Variants in ARHGAP27 observed in about 807,000 individuals in gnomAD.
ARHGAP27 encodes the protein rho GTPase-activating protein 27.
A neutral mutation model predicts 102.0 loss-of-function variants in ARHGAP27; 53 were observed. The observed-to-expected ratio is 0.52, with a 90% CI of 0.42 to 0.65. The LOEUF (loss-of-function observed/expected upper bound fraction) is 0.65. Ranked by LOEUF, ARHGAP27 falls within the 30% of genes least tolerant of loss-of-function variation. The pLI is 0.00. For synonymous variants in ARHGAP27, 525 were observed against 542.8 expected (o/e 0.97, Z 0.46); for missense variants, 1,117 against 1,256.2 (o/e 0.89, Z 1.68).
chr17:45,420,780 C>T (rs2048950983), intron 4 of ARHGAP27, among the ~76,000 whole-genome samples: 1 of 151,638 alleles, frequency 6.6e-6, no homozygotes, highest in Non-Finnish European at 1.5e-5. Flanking sequence ...CGGTGAAACC[C>T]CGTCTCTACT....
intron 4 of ARHGAP27, among the ~76,000 whole-genome samples, chr17:45,418,049 A>AG (rs1872917864): frequency 6.6e-6 from 1 of 150,932 alleles, no homozygotes; most frequent in Non-Finnish European, 1.5e-5. Flanking sequence ...AAAAAAAAAA[A>AG]AAAAATTTTT....
intron 4 of ARHGAP27, among the ~76,000 whole-genome samples, chr17:45,426,237 C>A (rs1320149460): frequency 2.6e-5 from 4 of 152,100 alleles, no homozygotes; most frequent in Non-Finnish European, 5.9e-5. Context: ...CCTCTCTGAA[C>A]CTCTGTTTGT....
intron 4 of ARHGAP27, among the ~76,000 whole-genome samples, chr17:45,413,495 C>A (rs1231824728): frequency 1.3e-5 from 2 of 152,170 alleles, no homozygotes; most frequent in Non-Finnish European, 1.5e-5. Context: ...ATGTGTAGAA[C>A]AGAGCTGTCA....
chr17:45,423,502 A>T (rs2144975486), intron 4 of ARHGAP27, among the ~76,000 whole-genome samples: 1 of 152,308 alleles, frequency 6.6e-6, no homozygotes, highest in Non-Finnish European at 1.5e-5. Flanking sequence ...TTCCTCCTCC[A>T]GGAAGCACTC....
intron 16 of ARHGAP27, 35 bp from the exon 17 acceptor site, chr17:45,396,319 G>A: frequency 6.3e-7 from 1 of 1,583,718 alleles, no homozygotes; most frequent in Non-Finnish European, 8.6e-7. Flanking sequence ...CCGGGTTCAG[G>A]GATGGGGATA....
At chr17:45,416,944 C>T (rs1398756450) in intron 4 of ARHGAP27, among the ~76,000 whole-genome samples, 2 of 148,714 alleles carry the variant, frequency 1.3e-5, no homozygotes, top group African/African-American at 2.5e-5. Context: ...CACCTGAGGT[C>T]GAGAGTTTGA....
At chr17:45,411,019 C>T (rs2047851563) in intron 4 of ARHGAP27, among the ~76,000 whole-genome samples, 1 of 152,114 alleles carries the variant, frequency 6.6e-6, no homozygotes, top group Non-Finnish European at 1.5e-5. Context: ...CCTCCCACGC[C>T]TGCATGCCCA....
chr17:45,395,390 G>A lies in ARHGAP27; in HGVS notation c.*66C>T. The A allele has an allele frequency of 6.7e-7, 1 of 1,495,424 alleles. No individual in the cohort carries two copies. The highest frequency in any genetic ancestry group is 9.0e-7 in the Non-Finnish European group (1 of 1,115,396). The allele number at this position is 1,495,424 out of a possible 1,614,324, so 92.6% of individuals were successfully genotyped here. A position where few individuals can be genotyped will look rare whatever the true frequency, so the allele number is the denominator to read the frequency against. ...GTCCCAGAGAGAAGAAGGCCCGGCT[G>A]CGTGGCCTCCGCCGCCCAGCTTGTG... is the stretch of plus-strand genomic sequence containing the variant. On this transcript the variant is annotated 3_prime_UTR_variant, in exon 20 of 20. Coordinates refer to ENST00000685559, the MANE Select transcript of ARHGAP27 (RefSeq NM_001282290.2).
rs535740628 is a variant in ARHGAP27, at chr17:45,395,128, A to G, written c.*328T>C. ...CATCAAACTCCTCCTCCCAGCACCT[A>G]CCATTCCAGAAAACAAACTCTCACC... On this transcript the variant is annotated 3_prime_UTR_variant, in exon 20 of 20. Coordinates refer to ENST00000685559, the MANE Select transcript of ARHGAP27 (RefSeq NM_001282290.2). 2.3e-5 allele frequency: 9 copies of G among 390,690 alleles called. No individual in the cohort carries two copies. In the South Asian group the frequency reaches 2.8e-4, roughly 12 times the overall value. The allele number at this position is 390,690 out of a possible 1,614,324, so 24.2% of individuals were successfully genotyped here.
rs112274196 is a variant in ARHGAP27 at position 45,431,153 on chromosome 17, A to C, written c.-19+468T>G. Among the ~76,000 whole-genome samples the C allele has an allele frequency of 1.2e-3, 178 of 152,040 alleles. 2 individuals carry two copies. The highest frequency in any genetic ancestry group is 4.1e-3 in the African/African-American group (172 of 41,452). ...GCTCCTGGAGAATGCACTCTGAGACAGTGACTATAAGTGCGGAGTCCCAGA... is the reference window on the plus strand; with the variant it reads ...GCTCCTGGAGAATGCACTCTGAGACCGTGACTATAAGTGCGGAGTCCCAGA... On this transcript the variant is annotated intron_variant, in intron 3 of 19. Transcript: ENST00000685559.
In ARHGAP27 at chr17:45,429,887, C is replaced by G. The variant is rs1291618274; in HGVS notation, c.393G>C (p.Gln131His). 9.9e-6 allele frequency: 12 copies of G among 1,210,832 alleles called. No individual in the cohort carries two copies. Among genetic ancestry groups the G allele is most frequent in the Non-Finnish European group, 1.0e-5 (10 of 975,034 alleles). The allele number at this position is 1,210,832 out of a possible 1,614,324, so 75.0% of individuals were successfully genotyped here. ...GCAGGCCGGGCGCCAGGCTGCTGCG[C>G]TGGGTCGCGGCGCCGCGTTGCGCAG... Reference protein sequence around the residue: ...CGPAQRGAATQRSSLAPGLPA... With the variant: ...CGPAQRGAATHRSSLAPGLPA... Residue 131 changes from glutamine to histidine, a missense_variant, in exon 4 of 20, where the codon CAG (glutamine) becomes CAC (histidine). By Grantham distance (24) the Gln-to-His change is conservative. Around this residue, in one of 3 missense-constraint regions of ARHGAP27, gnomAD observed 610 missense variants for 716.4 expected, o/e 0.85. Transcript: ENST00000685559.
At position 45,430,519 on chromosome 17, in the gene ARHGAP27, G is replaced by A. The variant is rs2049977514; in HGVS notation, c.-18-222C>T. ...ATTAGGACAGCCCTTCGTTCTGTGG[G>A]GTTGATTCTAAGATTTGACCCTTGC... On this transcript the variant is annotated intron_variant, in intron 3 of 19. Transcript: ENST00000685559. The surrounding 1 kb of genome is among the most constrained non-coding windows in gnomAD (Gnocchi z 4.4). 6.6e-6 allele frequency among the ~76,000 whole-genome samples: 1 copy of A among 152,178 alleles called. No homozygotes were observed. Among genetic ancestry groups the A allele is most frequent in the Non-Finnish European group, 1.5e-5 (1 of 68,030 alleles).
At chr17:45,424,243 C>T (rs1488509332) in intron 4 of ARHGAP27, among the ~76,000 whole-genome samples, 1 of 152,254 alleles carries the variant, frequency 6.6e-6, no homozygotes, top group Non-Finnish European at 1.5e-5. Flanking sequence ...GTTCCCTCAA[C>T]ACCAGAATCC....
At chr17:45,429,440 G>C (rs2049881078) in intron 4 of ARHGAP27, 183 bp downstream of exon 4, 2 of 1,426,858 alleles carry the variant, frequency 1.4e-6, no homozygotes, top group East Asian at 5.4e-5. Context: ...TGCTGATGAG[G>C]GACTGCGGGC....
chr17:45,395,247 G>A lies in ARHGAP27; in HGVS notation c.*209C>T. On this transcript the variant is annotated 3_prime_UTR_variant, in exon 20 of 20. Transcript: ENST00000685559. ...ACAGGACGTGACGGGAAGGGAAGGG[G>A]GGATGGGGAGTTGGGAAGAAGGAAT... 3.2e-6 allele frequency: 2 copies of A among 621,066 alleles called. No individual in the cohort carries two copies. The highest frequency in any genetic ancestry group is 2.1e-5 in the South Asian group (1 of 48,346). The allele number at this position is 621,066 out of a possible 1,614,324, so 38.5% of individuals were successfully genotyped here.
At position 45,404,250 on chromosome 17, in the gene ARHGAP27, G is replaced by T; in HGVS notation, c.1479+19C>A. 1 of 1,613,638 alleles carries T rather than the reference G, an allele frequency of 6.2e-7. No homozygotes were observed. Among genetic ancestry groups the T allele is most frequent in the Non-Finnish European group, 8.5e-7 (1 of 1,179,880 alleles). On this transcript the variant is annotated intron_variant, in intron 9 of 19. Coordinates refer to ENST00000685559, the MANE Select transcript of ARHGAP27 (RefSeq NM_001282290.2). ...TCGCCAGCACCACCACCTGGCTGGG[G>T]GTAGGGGGTGATGCCTACCCTCACA...
Position 45,432,272 on chromosome 17 carries a change from C to G in ARHGAP27, c.-207G>C, listed in dbSNP as rs1437108743. The G allele has an allele frequency of 6.4e-6, 1 of 156,106 alleles. No homozygotes were observed. The highest frequency in any genetic ancestry group is 6.5e-5 in the Admixed American group (1 of 15,310). The allele number at this position is 156,106 out of a possible 1,614,324, so 9.7% of individuals were successfully genotyped here. Reference sequence around the variant, plus strand: ...CTGGAAAAACTCCGAGCGGGATTCCCAGCGCAGGGACGCCCACCGGAGCTC... The same window carrying G: ...CTGGAAAAACTCCGAGCGGGATTCCGAGCGCAGGGACGCCCACCGGAGCTC... On this transcript the variant is annotated 5_prime_UTR_variant, in exon 2 of 20. Coordinates refer to ENST00000685559, the MANE Select transcript of ARHGAP27 (RefSeq NM_001282290.2).
Position 45,405,978 on chromosome 17 carries a change from G to A in ARHGAP27, c.763C>T (p.His255Tyr). ...APLPSPVWETHTDAGTGRPYY... is the reference protein window; with the variant it reads ...APLPSPVWETYTDAGTGRPYY... ...GGGCGCCCGGTGCCCGCGTCCGTGT[G>A]CGTCTCCCACACCGGGCTGGGAAGG... Residue 255 changes from histidine to tyrosine, a missense_variant, in exon 5 of 20, where the codon CAC becomes TAC. By Grantham distance (83) the His-to-Tyr change is moderately conservative. Around this residue, in one of 3 missense-constraint regions of ARHGAP27, gnomAD observed 610 missense variants for 716.4 expected, o/e 0.85. Transcript: ENST00000685559. 1 of 1,535,630 alleles carries A rather than the reference G, an allele frequency of 6.5e-7. No individual in the cohort carries two copies.
At chr17:45,397,305 C>G (rs1365108514) in intron 13 of ARHGAP27, 37 of 1,320,862 alleles carry the variant, frequency 2.8e-5, no homozygotes, top group Non-Finnish European at 3.6e-5. Context: ...CTGGTGCCTT[C>G]TTTCTCTATT....
Sources: allele counts gnomAD v4.1 joint callset (sites outside exome capture counted in the v4.1 genomes callset), GRCh38; gene constraint gnomAD v4.1.1; regional missense constraint gnomAD v4.1.1; non-coding constraint Gnocchi (gnomAD v3.1); transcripts MANE v1.5; gene names NCBI Gene and HGNC (gene_info 2026-07-23, HGNC 2026-07-21).